Variants in CFAP299 observed in about 807,000 individuals in gnomAD.
CFAP299 encodes the protein cilia and flagella associated protein 299.
A neutral mutation model predicts 27.0 loss-of-function variants in CFAP299; 21 were observed. The ratio of observed to expected loss-of-function variants is 0.78; its 90% CI spans 0.55 to 1.12. The LOEUF (loss-of-function observed/expected upper bound fraction) is 1.12, where lower values mean the gene tolerates loss of function less well. Among genes scored for constraint, CFAP299 ranks in the 50% most tolerant of loss-of-function variants. The pLI is 0.00. For missense variants in CFAP299, 310 were observed against 276.6 expected (o/e 1.12, Z -0.86); for synonymous variants, 104 against 98.1 (o/e 1.06, Z -0.36).
chr4:80,458,338 C>T (rs1180570847), intron 2 of CFAP299, among the ~76,000 whole-genome samples: 1 of 152,198 alleles, frequency 6.6e-6, no homozygotes, highest in African/African-American at 2.4e-5. Flanking sequence ...GGCTGCGGCG[C>T]ATGCCAAATG....
At chr4:80,925,744 T>A (rs1030615955) in intron 4 of CFAP299, among the ~76,000 whole-genome samples, 1 of 151,962 alleles carries the variant, frequency 6.6e-6, no homozygotes, top group African/African-American at 2.4e-5. Flanking sequence ...TGAAGATGAA[T>A]GTCAAGTCAC....
chr4:80,813,925 T>G (rs1179642511), intron 3 of CFAP299, among the ~76,000 whole-genome samples: 2 of 152,034 alleles, frequency 1.3e-5, no homozygotes, highest in Non-Finnish European at 1.5e-5. Flanking sequence ...TCATCTATTT[T>G]CTGTATTTAT....
intron 3 of CFAP299, among the ~76,000 whole-genome samples, chr4:80,621,734 A>G (rs1738615964): frequency 6.6e-6 from 1 of 152,188 alleles, no homozygotes; most frequent in South Asian, 2.1e-4. Context: ...AAATGCTTCA[A>G]CAAGTAATTA....
chr4:80,467,258 T>G (rs1003965144), intron 2 of CFAP299, among the ~76,000 whole-genome samples: 2 of 152,212 alleles, frequency 1.3e-5, no homozygotes, highest in African/African-American at 4.8e-5. Flanking sequence ...ATCGTGACTT[T>G]CCCATTCCCA....
At chr4:80,327,678 TA>T in the CFAP299 span, among the ~76,000 whole-genome samples, 1 of 133,386 alleles carries the variant, frequency 7.5e-6, no homozygotes, top group African/African-American at 3.0e-5. Context: ...TACATATATA[TA>T]TAGAGAGAAG....
In CFAP299 at chr4:80,931,589, A is replaced by G. The variant is rs1736617541; in HGVS notation, c.477-13221A>G. ...ACTCCTACAAGAATCTACTCATTCC[A>G]TAGCCATAGCATGCCAATGATCAGT... On this transcript the variant is annotated intron_variant, in intron 4 of 5. Coordinates refer to ENST00000358105, the MANE Select transcript of CFAP299 (RefSeq NM_152770.3). 2.6e-5 allele frequency among the ~76,000 whole-genome samples: 4 copies of G among 152,306 alleles called. No individual in the cohort carries two copies. The East Asian group carries it at 7.7e-4, about 29-fold the overall frequency.
intron 5 of CFAP299, among the ~76,000 whole-genome samples, chr4:80,945,779 T>C (rs1325866891): frequency 6.6e-6 from 1 of 152,130 alleles, no homozygotes; most frequent in African/African-American, 2.4e-5. Context: ...TATAAAAACT[T>C]TTCCAAAAGT....
At chr4:80,807,070 A>G (rs1728899972) in intron 3 of CFAP299, among the ~76,000 whole-genome samples, 1 of 152,198 alleles carries the variant, frequency 6.6e-6, no homozygotes, top group South Asian at 2.1e-4. Context: ...AGTTGCACTA[A>G]GCACTGCTTT....
At chr4:80,902,756 G>A (rs1028994191) in intron 4 of CFAP299, among the ~76,000 whole-genome samples, 5 of 151,228 alleles carry the variant, frequency 3.3e-5, no homozygotes, top group Non-Finnish European at 7.4e-5. Flanking sequence ...GACTTCTTCA[G>A]GCAACTTTTA....
At chr4:80,753,978 A>G (rs1001375817) in intron 3 of CFAP299, among the ~76,000 whole-genome samples, 2 of 152,170 alleles carry the variant, frequency 1.3e-5, no homozygotes, top group African/African-American at 4.8e-5. Flanking sequence ...AGTTCAAACA[A>G]TACTGTTATA....
At chr4:80,621,390 C>A (rs1014780976) in intron 3 of CFAP299, among the ~76,000 whole-genome samples, 11 of 152,096 alleles carry the variant, frequency 7.2e-5, no homozygotes, top group Non-Finnish European at 1.2e-4. Context: ...TATTGTCTCC[C>A]TCAAATATTT....
At chr4:80,721,864 C>G (rs1722837383) in intron 3 of CFAP299, among the ~76,000 whole-genome samples, 3 of 152,046 alleles carry the variant, frequency 2.0e-5, no homozygotes, top group African/African-American at 7.2e-5. Context: ...ATAAAATTGT[C>G]TTTCAAGAAA....
intron 1 of CFAP299, among the ~76,000 whole-genome samples, chr4:80,351,400 G>A (rs1578343213): frequency 6.6e-6 from 1 of 152,210 alleles, no homozygotes; most frequent in African/African-American, 2.4e-5. Flanking sequence ...TTGAGATGGT[G>A]TAATATTATT....
chr4:80,730,930 T>C (rs1723484913), intron 3 of CFAP299, among the ~76,000 whole-genome samples: 2 of 152,224 alleles, frequency 1.3e-5, no homozygotes. Flanking sequence ...GCCTTTATTC[T>C]TCCTATTTAG....
At chr4:80,922,561 A>C (rs1186414805) in intron 4 of CFAP299, among the ~76,000 whole-genome samples, 9 of 152,068 alleles carry the variant, frequency 5.9e-5, no homozygotes, top group Non-Finnish European at 1.2e-4. Context: ...AACCTTACAA[A>C]GCATATCATG....
intron 3 of CFAP299, among the ~76,000 whole-genome samples, chr4:80,630,302 C>T (rs752930258): frequency 3.9e-5 from 6 of 152,080 alleles, no homozygotes; most frequent in African/African-American, 1.4e-4. Flanking sequence ...CAAAAGTGAA[C>T]CTCATCATTC....
Position 80,933,789 on chromosome 4 carries a change from A to C in CFAP299, c.477-11021A>C, listed in dbSNP as rs190840413. Among the ~76,000 whole-genome samples, 617 of 152,188 alleles carry C rather than the reference A, an allele frequency of 4.1e-3. 1 individual carries two copies. The highest frequency in any genetic ancestry group is 0.014 in the Middle Eastern group (4 of 294). On this transcript the variant is annotated intron_variant, in intron 4 of 5. Transcript: ENST00000358105. ...TTTTATTATTGATTTTATCCTGTAA[A>C]CTTACTGAATTCCTTTATTAATTAT...
intron 3 of CFAP299, among the ~76,000 whole-genome samples, chr4:80,854,770 A>C (rs1341031289): frequency 6.8e-6 from 1 of 146,708 alleles, no homozygotes; most frequent in South Asian, 2.2e-4. Flanking sequence ...GAGACCAGTC[A>C]TCATAGTTTC....
intron 4 of CFAP299, among the ~76,000 whole-genome samples, chr4:80,937,505 G>T (rs1427401643): frequency 6.6e-6 from 1 of 151,302 alleles, no homozygotes; most frequent in Non-Finnish European, 1.5e-5. Context: ...TTTTTGTAGA[G>T]ACATGGTTTC....
Sources: allele counts gnomAD v4.1 joint callset (sites outside exome capture counted in the v4.1 genomes callset), GRCh38; gene constraint gnomAD v4.1.1; transcripts MANE v1.5; gene names NCBI Gene and HGNC (gene_info 2026-07-23, HGNC 2026-07-21).